Variants in FNDC3B observed in about 807,000 individuals in gnomAD.
FNDC3B encodes fibronectin type III domain-containing protein 3B.
Under a neutral mutation model 151.5 loss-of-function variants are expected in FNDC3B, and 12 were observed. That is an observed-to-expected ratio of 0.08 (90% CI 0.05 to 0.13). The LOEUF (loss-of-function observed/expected upper bound fraction) is 0.13. Ranked by LOEUF, FNDC3B falls within the 10% of genes least tolerant of loss-of-function variation. FNDC3B has a pLI of 1.00. For synonymous variants in FNDC3B, 528 were observed against 549.0 expected, an observed-to-expected ratio of 0.96 and a Z score of 0.54; for missense variants, 1,214 against 1,505.3, an observed-to-expected ratio of 0.81 and a Z score of 3.20.
intron 22 of FNDC3B, among the ~76,000 whole-genome samples, chr3:172,354,734 C>G (rs1734007694): frequency 6.6e-6 from 1 of 151,862 alleles, no homozygotes; most frequent in African/African-American, 2.4e-5. Flanking sequence ...TTTTATTTCA[C>G]CTTTTTTCTG....
intron 25 of FNDC3B, among the ~76,000 whole-genome samples, chr3:172,384,709 C>T (rs1735619944): frequency 6.6e-6 from 1 of 152,196 alleles, no homozygotes; most frequent in Admixed American, 6.5e-5. Context: ...TACCTATACA[C>T]ATCAGGCATT....
At chr3:172,343,999 T>C (rs1560090621) in intron 18 of FNDC3B, 87 bp from the exon 19 acceptor site, 9 of 1,248,272 alleles carry the variant, frequency 7.2e-6, no homozygotes, top group Non-Finnish European at 9.1e-6. Context: ...CTATGTGATA[T>C]TTTGCTCAAC....
At chr3:172,198,841 T>G (rs1724983320) in intron 3 of FNDC3B, among the ~76,000 whole-genome samples, 1 of 152,182 alleles carries the variant, frequency 6.6e-6, no homozygotes, top group South Asian at 2.1e-4. Context: ...CTTTTCCATT[T>G]CCTTGATAAG....
intron 3 of FNDC3B, among the ~76,000 whole-genome samples, chr3:172,160,954 A>C (rs115160624): frequency 0.029 from 4,452 of 152,336 alleles, 216 homozygotes; most frequent in African/African-American, 0.1. Flanking sequence ...CAATAAATTC[A>C]AAAGAAATAA....
At chr3:172,295,835 C>T (rs937974194) in intron 8 of FNDC3B, among the ~76,000 whole-genome samples, 1 of 152,120 alleles carries the variant, frequency 6.6e-6, no homozygotes, top group African/African-American at 2.4e-5. Context: ...ATACATTGGG[C>T]GATTATAAGG....
At chr3:172,082,585 GC>G (rs1360196425) in intron 1 of FNDC3B, among the ~76,000 whole-genome samples, 2 of 152,134 alleles carry the variant, frequency 1.3e-5, no homozygotes, top group Non-Finnish European at 2.9e-5. Context: ...ACCTACTCCA[GC>G]ACTGAACGAA....
At chr3:172,391,227 A>C (rs1215074152) in intron 25 of FNDC3B, among the ~76,000 whole-genome samples, 2 of 152,238 alleles carry the variant, frequency 1.3e-5, no homozygotes, top group African/African-American at 4.8e-5. Context: ...ATAATTAAGA[A>C]GATTAAATTC....
intron 25 of FNDC3B, among the ~76,000 whole-genome samples, chr3:172,391,967 T>C (rs963807388): frequency 2.1e-4 from 31 of 147,544 alleles, no homozygotes; most frequent in African/African-American, 7.9e-4. Context: ...CACTCACAAC[T>C]AAAAGCTATC....
intron 3 of FNDC3B, among the ~76,000 whole-genome samples, chr3:172,195,516 A>AC (rs1724776241): frequency 6.6e-6 from 1 of 152,238 alleles, no homozygotes; most frequent in Non-Finnish European, 1.5e-5. Flanking sequence ...TCCACAACAC[A>AC]CGTTAAGAAT....
At chr3:172,241,563 C>CA (rs35959261) in intron 4 of FNDC3B, among the ~76,000 whole-genome samples, 3,674 of 141,922 alleles carry the variant, frequency 0.026, 152 homozygotes, top group African/African-American at 0.088. Flanking sequence ...TGGATGGCAG[C>CA]AAAAAAAAAA....
chr3:172,147,676 G>A (rs1296233606), intron 3 of FNDC3B, among the ~76,000 whole-genome samples: 1 of 152,142 alleles, frequency 6.6e-6, no homozygotes, highest in East Asian at 1.9e-4. Flanking sequence ...TCTGATTCAG[G>A]TCTGGGGTGG....
At chr3:172,290,957 G>C (rs922660159) in intron 7 of FNDC3B, among the ~76,000 whole-genome samples, 2 of 152,176 alleles carry the variant, frequency 1.3e-5, no homozygotes, top group African/African-American at 4.8e-5. Flanking sequence ...CCAAAGGCCA[G>C]AGCAAATTTA....
In FNDC3B at chr3:172,226,929, T is replaced by A; in HGVS notation, c.246T>A (p.Pro82=). ...PNGSIPPIHV[P]PGYISQVIED... ...GATCCATTCCTCCCATTCATGTGCCTCCAGGTTATATCTCACAGGTAATCC... is the reference window on the plus strand; with the variant it reads ...GATCCATTCCTCCCATTCATGTGCCACCAGGTTATATCTCACAGGTAATCC... Residue 82 remains proline (P), a synonymous_variant, in exon 4 of 26, where the codon CCT becomes CCA. Coordinates refer to ENST00000415807, the MANE Select transcript of FNDC3B (RefSeq NM_022763.4). 2 of 1,610,366 alleles carry A rather than the reference T, an allele frequency of 1.2e-6. No homozygotes were observed. The highest frequency in any genetic ancestry group is 1.1e-5 in the South Asian group (1 of 91,006).
rs1316376611 is a variant in FNDC3B, at chr3:172,378,216, T to A, written c.3009-54T>A. The A allele has an allele frequency of 3.7e-5, 54 of 1,465,718 alleles. No individual in the cohort carries two copies. The East Asian group carries it at 1.2e-3, about 32-fold the overall frequency. 90.8% of individuals were successfully genotyped at this position (1,465,718 alleles called of 1,614,324 possible). ...TCCATTAGTTTGCATCATAATTAAT[T>A]TCTTGTCATTAGTAGACGTTCAGAT... On this transcript the variant is annotated intron_variant, in intron 23 of 25. Coordinates refer to ENST00000415807, the MANE Select transcript of FNDC3B (RefSeq NM_022763.4).
chr3:172,210,337 C>T (rs765784976), intron 3 of FNDC3B, among the ~76,000 whole-genome samples: 1 of 152,026 alleles, frequency 6.6e-6, no homozygotes, highest in Non-Finnish European at 1.5e-5. Flanking sequence ...TGCATTTTTC[C>T]TTAATTTTCT....
At chr3:172,074,047 G>A (rs763802989) in intron 1 of FNDC3B, among the ~76,000 whole-genome samples, 3 of 152,184 alleles carry the variant, frequency 2.0e-5, no homozygotes, top group Non-Finnish European at 2.9e-5. Flanking sequence ...GACTGTGGAG[G>A]AAGACTTTCT....
chr3:172,332,806 A>G (rs1305146725), intron 13 of FNDC3B, among the ~76,000 whole-genome samples: 1 of 152,242 alleles, frequency 6.6e-6, no homozygotes, highest in Non-Finnish European at 1.5e-5. Flanking sequence ...GACAACATTA[A>G]AAATGTTAAA....
chr3:172,141,460 T>C (rs1055734218), intron 3 of FNDC3B, among the ~76,000 whole-genome samples: 2 of 152,250 alleles, frequency 1.3e-5, no homozygotes, highest in African/African-American at 4.8e-5. Context: ...CCTGAGCAGC[T>C]ATATTCAGAG....
At chr3:172,335,971 T>C (rs144872725) in intron 15 of FNDC3B, among the ~76,000 whole-genome samples, 487 of 152,246 alleles carry the variant, frequency 3.2e-3, no homozygotes, top group African/African-American at 0.011. Context: ...GAGATGGATA[T>C]AATTCAGAGA....
Sources: allele counts gnomAD v4.1 joint callset (sites outside exome capture counted in the v4.1 genomes callset), GRCh38; gene constraint gnomAD v4.1.1; transcripts MANE v1.5; gene names NCBI Gene and HGNC (gene_info 2026-07-23, HGNC 2026-07-21).